The following PRDM16 variants were observed in gnomAD, a reference collection of about 807,000 sequenced individuals.
PRDM16 encodes the protein histone-lysine N-methyltransferase PRDM16.
In PRDM16, 23 loss-of-function variants were observed where a neutral mutation model predicts 110.6. The observed-to-expected ratio is 0.21, with a 90% CI of 0.15 to 0.29. The LOEUF (loss-of-function observed/expected upper bound fraction) is 0.29. PRDM16 is among the 10% of genes least tolerant of loss of function. The pLI, the probability that PRDM16 is intolerant of heterozygous loss-of-function variation, is 1.00. For synonymous variants in PRDM16, 799 were observed against 781.8 expected, an observed-to-expected ratio of 1.02 and a Z score of -0.37; for missense variants, 1,615 against 1,794.3, an observed-to-expected ratio of 0.90 and a Z score of 1.81.
chr1:3,350,972 A>G lies in PRDM16; in HGVS notation c.439-34180A>G, dbSNP rs908368738. Among the ~76,000 whole-genome samples the G allele has an allele frequency of 1.3e-5, 2 of 152,158 alleles. No homozygotes were observed. The highest frequency in any genetic ancestry group is 4.8e-5 in the African/African-American group (2 of 41,422). ...GCCTGGGAGAAAAACAAGTCAGAAG[A>G]CCATTTCCAAAAATAGCCAGCAGAG... On this transcript the variant is annotated intron_variant, in intron 3 of 16. Transcript: ENST00000270722. This position sits in a 1 kb window ranked among gnomAD's most constrained non-coding sequence, Gnocchi z 7.1.
intron 3 of PRDM16, among the ~76,000 whole-genome samples, chr1:3,261,528 C>T (rs1456252533): frequency 6.6e-6 from 1 of 152,138 alleles, no homozygotes; most frequent in Admixed American, 6.5e-5. Context: ...TACACAGTGG[C>T]GAGAGTCCCT....
rs1638754877 is a variant in PRDM16 at position 3,431,120 on chromosome 1, C to CGTGT, written c.3521+14_3521+17dup. 1 of 1,548,768 alleles carries CGTGT rather than the reference C, an allele frequency of 6.5e-7. No homozygotes were observed. The highest frequency in any genetic ancestry group is 1.2e-5 in the South Asian group (1 of 84,032). On this transcript the variant is annotated intron_variant, in intron 15 of 16. Coordinates refer to ENST00000270722, the MANE Select transcript of PRDM16 (RefSeq NM_022114.4). ...GACCACACCCGAAGGTGGGGGCAGC[C>CGTGT]GTGTGCTCCAGGATGGGGCAGGGAG... is the stretch of plus-strand genomic sequence containing the variant.
rs34485545 is a variant in PRDM16 at position 3,435,597 on chromosome 1, TA to T, written c.*1795del. On this transcript the variant is annotated 3_prime_UTR_variant, in exon 17 of 17. Transcript: ENST00000270722. ...GAAAAAAAATGCCCAAGTTGCCCTT[TA>T]AAAAAAAAGAGCGTAAATACAAACA... 9.2e-5 allele frequency: 21 copies of T among 227,040 alleles called. No individual in the cohort carries two copies. The highest frequency in any genetic ancestry group is 1.3e-4 in the East Asian group (2 of 15,954). 14.1% of individuals were successfully genotyped at this position (227,040 alleles called of 1,614,324 possible).
At chr1:3,386,067 T>C (rs1643190472) in intron 4 of PRDM16, among the ~76,000 whole-genome samples, 2 of 152,220 alleles carry the variant, frequency 1.3e-5, no homozygotes, top group South Asian at 4.1e-4. Context: ...GAGTGGCCCC[T>C]GGAGGCCCTT....
intron 1 of PRDM16, among the ~76,000 whole-genome samples, chr1:3,150,118 C>T (rs181309966): frequency 6.6e-6 from 1 of 152,344 alleles, no homozygotes; most frequent in East Asian, 1.9e-4. Flanking sequence ...TGCTGGAATC[C>T]CCCCGAACGC....
chr1:3,431,929 G>A (rs2100704122), intron 15 of PRDM16, 37 bp from the exon 16 acceptor site: 1 of 1,596,006 alleles, frequency 6.3e-7, no homozygotes. Context: ...CCAGGCTGCT[G>A]ACAGCAGGCC....
intron 3 of PRDM16, among the ~76,000 whole-genome samples, chr1:3,377,440 TAGAAGTGCAGGA>T (rs1429360534): frequency 2.5e-4 from 38 of 152,172 alleles, no homozygotes; most frequent in Admixed American, 5.9e-4. Context: ...GCCCACAAAT[TAGAAGTGCAGGA>T]AACCTCAAAT....
At chr1:3,095,328 A>G (rs953364285) in intron 1 of PRDM16, among the ~76,000 whole-genome samples, 2 of 147,946 alleles carry the variant, frequency 1.4e-5, no homozygotes, top group African/African-American at 5.3e-5. Context: ...GGAGTAGCAA[A>G]CAACTCGGTG....
intron 1 of PRDM16, among the ~76,000 whole-genome samples, chr1:3,114,469 A>AG (rs1205500847): frequency 6.8e-6 from 1 of 147,366 alleles, no homozygotes; most frequent in Non-Finnish European, 1.5e-5. Flanking sequence ...GCACACACGC[A>AG]GTGTAAACAG....
intron 1 of PRDM16, among the ~76,000 whole-genome samples, chr1:3,152,238 A>G (rs924532474): frequency 6.6e-6 from 1 of 152,218 alleles, no homozygotes; most frequent in Non-Finnish European, 1.5e-5. Flanking sequence ...GGCAATGCCA[A>G]GTTAGGCCCC....
rs1319269308 is a variant in PRDM16 at position 3,080,249 on chromosome 1, A to G, written c.37+10953A>G. On this transcript the variant is annotated intron_variant, in intron 1 of 16. Coordinates refer to ENST00000270722, the MANE Select transcript of PRDM16 (RefSeq NM_022114.4). The surrounding 1 kb of genome is among the most constrained non-coding windows in gnomAD (Gnocchi z 5.2). Reference sequence around the variant, plus strand: ...TAATGATGTGTCTGTGTGTGAAAATATTAAATTGCAATAACACGCCGTGCG... The same window carrying G: ...TAATGATGTGTCTGTGTGTGAAAATGTTAAATTGCAATAACACGCCGTGCG... Among the ~76,000 whole-genome samples, 7 of 152,332 alleles carry G rather than the reference A, an allele frequency of 4.6e-5. No individual in the cohort carries two copies. The highest frequency in any genetic ancestry group is 4.6e-4 in the Admixed American group (7 of 15,298).
rs1453370752 is a variant in PRDM16, at chr1:3,434,089, C to T, written c.*278C>T. The T allele has an allele frequency of 2.5e-5, 10 of 403,196 alleles. No individual in the cohort carries two copies. The highest frequency in any genetic ancestry group is 2.0e-4 in the South Asian group (5 of 24,596). The allele number at this position is 403,196 out of a possible 1,614,324, so 25.0% of individuals were successfully genotyped here. ...CCAAAGACAGCCAACGGAGCTGCCT[C>T]GCAGAATCAGCCAGTGGGCAGGTGG... On this transcript the variant is annotated 3_prime_UTR_variant, in exon 17 of 17. Transcript: ENST00000270722.
At chr1:3,392,182 G>C (rs1643310793) in intron 4 of PRDM16, among the ~76,000 whole-genome samples, 1 of 152,196 alleles carries the variant, frequency 6.6e-6, no homozygotes, top group South Asian at 2.1e-4. Context: ...TGGTTTCAAA[G>C]AATTCCGATT....
At chr1:3,417,780 C>G (rs1638311103) in intron 10 of PRDM16, 48 bp from the exon 11 acceptor site, 2 of 1,557,248 alleles carry the variant, frequency 1.3e-6, no homozygotes, top group African/African-American at 2.7e-5. Flanking sequence ...CCCCTGAAGA[C>G]AGGTGAGAGT....
chr1:3,133,616 A>G (rs1643378683), intron 1 of PRDM16: 1 of 152,254 alleles, frequency 6.6e-6, no homozygotes, highest in Admixed American at 6.5e-5. Context: ...TTGCAGTCCC[A>G]TCTGATTTCT....
At chr1:3,139,963 C>T (rs1162809843) in intron 1 of PRDM16, among the ~76,000 whole-genome samples, 2 of 152,270 alleles carry the variant, frequency 1.3e-5, no homozygotes, top group Admixed American at 6.5e-5. Flanking sequence ...CTTAATCATG[C>T]CTGCCAGACA....
At chr1:3,142,213 G>A (rs533602710) in intron 1 of PRDM16, among the ~76,000 whole-genome samples, 11 of 152,382 alleles carry the variant, frequency 7.2e-5, no homozygotes, top group East Asian at 1.9e-4. Context: ...TCAGTCAAGC[G>A]TCTTTCACAG....
chr1:3,412,765 C>G lies in PRDM16; in HGVS notation c.2568C>G (p.Ala856=). 1 of 1,495,412 alleles carries G rather than the reference C, an allele frequency of 6.7e-7. No individual in the cohort carries two copies. Among genetic ancestry groups the G allele is most frequent in the Non-Finnish European group, 8.9e-7 (1 of 1,122,302 alleles). 92.6% of individuals were successfully genotyped at this position (1,495,412 alleles called of 1,614,324 possible). ...RMPQQPPLHY[A]KPSPFFMDPI... ...CCCAGCAGCCCCCGCTCCACTACGCCAAGCCCTCGCCCTTCTTCATGGACC... is the reference window on the plus strand; with the variant it reads ...CCCAGCAGCCCCCGCTCCACTACGCGAAGCCCTCGCCCTTCTTCATGGACC... The change falls in exon 9 of 17, where the codon GCC becomes GCG. Residue 856 remains alanine (A), a synonymous_variant. Transcript: ENST00000270722.
At chr1:3,267,777 C>T (rs1027790850) in intron 3 of PRDM16, among the ~76,000 whole-genome samples, 3 of 152,194 alleles carry the variant, frequency 2.0e-5, no homozygotes, top group Non-Finnish European at 4.4e-5. Context: ...TTCTCCATCC[C>T]GCGCCGCTGC....
Sources: gnomAD v4.1 joint callset for allele counts (sites outside exome capture counted in the v4.1 genomes callset) on GRCh38, gnomAD v4.1.1 for gene constraint, Gnocchi (gnomAD v3.1) non-coding constraint, MANE v1.5 for transcripts, NCBI Gene and HGNC (gene_info 2026-07-23, HGNC 2026-07-21) for gene names.